The following HLCS variants were observed in gnomAD, a reference collection of about 807,000 sequenced individuals.
HLCS encodes the protein biotin--protein ligase.
Under a neutral mutation model 75.0 loss-of-function variants are expected in HLCS, and 53 were observed. The ratio of observed to expected loss-of-function variants is 0.71; its 90% CI spans 0.57 to 0.89. The LOEUF (loss-of-function observed/expected upper bound fraction) is 0.89, where lower values mean the gene tolerates loss of function less well. Among genes scored for constraint, HLCS ranks in the 40% least tolerant of loss-of-function variants. The probability of loss-of-function intolerance (pLI) is 0.00; values close to 1 mark genes in which losing one functional copy is unlikely to be tolerated. For synonymous variants in HLCS, 431 were observed against 428.6 expected (o/e 1.01, Z -0.07); for missense variants, 966 against 1,074.0 (o/e 0.90, Z 1.41).
At chr21:36,810,807 G>C (rs1297548653) in intron 6 of HLCS, among the ~76,000 whole-genome samples, 1 of 152,108 alleles carries the variant, frequency 6.6e-6, no homozygotes, top group Non-Finnish European at 1.5e-5. Flanking sequence ...TCCAGAGCTG[G>C]GTACAAGGTT....
chr21:36,813,229 A>G (rs990711140), intron 6 of HLCS, among the ~76,000 whole-genome samples: 2 of 152,250 alleles, frequency 1.3e-5, no homozygotes, highest in African/African-American at 2.4e-5. Context: ...AAACTTGCTC[A>G]TGATACTAAG....
At chr21:36,837,863 C>T (rs561794119) in intron 6 of HLCS, among the ~76,000 whole-genome samples, 4 of 151,988 alleles carry the variant, frequency 2.6e-5, no homozygotes, top group African/African-American at 7.2e-5. Flanking sequence ...GTTCTTACAG[C>T]GGAGAGGGGA....
chr21:36,958,250 A>AG, intron 2 of HLCS, among the ~76,000 whole-genome samples: 3 of 49,100 alleles, frequency 6.1e-5, no homozygotes, highest in Non-Finnish European at 4.8e-5. Flanking sequence ...CAAAAAAAAA[A>AG]AAAAAAGAAA....
chr21:36,788,957 A>G (rs970888528), intron 6 of HLCS, among the ~76,000 whole-genome samples: 1 of 152,218 alleles, frequency 6.6e-6, no homozygotes, highest in Non-Finnish European at 1.5e-5. Flanking sequence ...TTAGTAACTG[A>G]GAATCTTGAT....
intron 6 of HLCS, among the ~76,000 whole-genome samples, chr21:36,806,799 C>T (rs535819517): frequency 1.3e-4 from 20 of 152,302 alleles, no homozygotes; most frequent in South Asian, 2.1e-4. Flanking sequence ...AAGAAACCCA[C>T]GATTTCCGTG....
chr21:36,891,828 T>C (rs760352370), intron 6 of HLCS, among the ~76,000 whole-genome samples: 4 of 152,208 alleles, frequency 2.6e-5, no homozygotes, highest in Non-Finnish European at 4.4e-5. Context: ...AGTGAGCCTA[T>C]GGGGCTGTCC....
intron 6 of HLCS, among the ~76,000 whole-genome samples, chr21:36,875,056 C>T (rs1316797876): frequency 1.3e-5 from 2 of 152,204 alleles, no homozygotes; most frequent in East Asian, 3.8e-4. Flanking sequence ...GCTTCAGCCC[C>T]CTCTAGACTT....
intron 6 of HLCS, among the ~76,000 whole-genome samples, chr21:36,851,311 AC>A (rs1371052036): frequency 6.6e-6 from 1 of 152,170 alleles, no homozygotes; most frequent in African/African-American, 2.4e-5. Flanking sequence ...GACAAAGAAA[AC>A]GTGCTGCAGA....
intron 6 of HLCS, among the ~76,000 whole-genome samples, chr21:36,817,507 C>T (rs2061697737): frequency 6.6e-6 from 1 of 152,130 alleles, no homozygotes; most frequent in Non-Finnish European, 1.5e-5. Context: ...CTCCAACACT[C>T]ACCTATCCTC....
intron 1 of HLCS, among the ~76,000 whole-genome samples, chr21:36,985,898 T>C (rs2069219839): frequency 1.3e-5 from 2 of 152,230 alleles, no homozygotes; most frequent in Non-Finnish European, 2.9e-5. Context: ...TTGATGACGC[T>C]GACTTTGTTC....
intron 2 of HLCS, among the ~76,000 whole-genome samples, chr21:36,948,698 C>T (rs940166438): frequency 7.2e-6 from 1 of 138,266 alleles, no homozygotes; most frequent in Non-Finnish European, 1.5e-5. Flanking sequence ...CACTGCACTC[C>T]AGCCTGGATG....
At chr21:36,866,845 T>TC (rs1569120331) in intron 6 of HLCS, among the ~76,000 whole-genome samples, 2 of 144,628 alleles carry the variant, frequency 1.4e-5, no homozygotes, top group African/African-American at 5.2e-5. Flanking sequence ...GAGTAGTTTT[T>TC]TTTTTTTTTT....
intron 5 of HLCS, among the ~76,000 whole-genome samples, chr21:36,928,951 C>CG (rs2066518634): frequency 6.6e-6 from 1 of 152,164 alleles, no homozygotes; most frequent in South Asian, 2.1e-4. Flanking sequence ...CTCCCACTGC[C>CG]CCAGGCTGTT....
chr21:36,843,356 T>C (rs1418886568), intron 6 of HLCS, among the ~76,000 whole-genome samples: 1 of 152,142 alleles, frequency 6.6e-6, no homozygotes, highest in Admixed American at 6.5e-5. Flanking sequence ...GGCGATCACA[T>C]GAGCCCAGGA....
At chr21:36,877,034 A>G (rs1302764702) in intron 6 of HLCS, among the ~76,000 whole-genome samples, 4 of 152,164 alleles carry the variant, frequency 2.6e-5, no homozygotes, top group Admixed American at 2.6e-4. Context: ...CTTTGTCTTA[A>G]AGTGAATTTT....
At position 36,752,927 on chromosome 21, in the gene HLCS, C is replaced by T. The variant is rs1228021676; in HGVS notation, c.*1319G>A. The T allele has an allele frequency of 1.3e-5, 2 of 152,568 alleles. No individual in the cohort carries two copies. Among genetic ancestry groups the T allele is most frequent in the Non-Finnish European group, 1.5e-5 (1 of 68,040 alleles). The allele number at this position is 152,568 out of a possible 1,614,324, so 9.5% of individuals were successfully genotyped here. ...CATCAAACTTTCTTTCCACTAATTT[C>T]AGCTGGGACTGGAAGAGAGAAAACT... On this transcript the variant is annotated 3_prime_UTR_variant, in exon 11 of 11. Coordinates refer to ENST00000674895, the MANE Select transcript of HLCS (RefSeq NM_001352514.2).
In HLCS at chr21:36,907,830, A is replaced by C. The variant is rs1395614261; in HGVS notation, c.1621-10699T>G. On this transcript the variant is annotated intron_variant, in intron 5 of 10. Transcript: ENST00000674895. Reference sequence around the variant, plus strand: ...ACAATTCAACTTAAAGCCTGAGCAAAAGAGCTGAATAGACACTGCCCAAAA... The same window carrying C: ...ACAATTCAACTTAAAGCCTGAGCAACAGAGCTGAATAGACACTGCCCAAAA... 1.1e-4 allele frequency among the ~76,000 whole-genome samples: 17 copies of C among 152,328 alleles called. No individual in the cohort carries two copies. The East Asian group carries it at 2.9e-3, about 26-fold the overall frequency.
chr21:36,858,400 C>T (rs934654945), intron 6 of HLCS, among the ~76,000 whole-genome samples: 4 of 152,120 alleles, frequency 2.6e-5, no homozygotes, highest in African/African-American at 9.7e-5. Context: ...CCAAGAGATG[C>T]CATGACTGAT....
intron 6 of HLCS, among the ~76,000 whole-genome samples, chr21:36,783,171 T>C (rs933159): frequency 0.097 from 14,770 of 152,142 alleles, 1,525 homozygotes; most frequent in African/African-American, 0.26. Context: ...CCTCCAGAGC[T>C]AGGCTCTCAA....
Sources: gnomAD v4.1 joint callset for allele counts (sites outside exome capture counted in the v4.1 genomes callset) on GRCh38, gnomAD v4.1.1 for gene constraint, MANE v1.5 for transcripts, NCBI Gene and HGNC (gene_info 2026-07-23, HGNC 2026-07-21) for gene names.